The following CFAP43 variants were observed in gnomAD, a reference collection of about 807,000 sequenced individuals.
CFAP43 encodes the protein cilia- and flagella-associated protein 43.
CFAP43 carries 155 observed loss-of-function variants against 218.9 expected under a neutral mutation model. That is an observed-to-expected ratio of 0.71 (90% CI 0.62 to 0.81). The LOEUF is 0.81. Among genes scored for constraint, CFAP43 ranks in the 30% least tolerant of loss-of-function variants. The pLI, the probability that CFAP43 is intolerant of heterozygous loss-of-function variation, is 0.00. For synonymous variants in CFAP43, 645 were observed against 681.3 expected (o/e 0.95, Z 0.83); for missense variants, 1,778 against 1,954.3 (o/e 0.91, Z 1.70).
At chr10:104,184,403 C>G (rs1256264778) in intron 16 of CFAP43, among the ~76,000 whole-genome samples, 1 of 151,298 alleles carries the variant, frequency 6.6e-6, no homozygotes, top group Non-Finnish European at 1.5e-5. Context: ...CAGAATTGTC[C>G]ACATTTCTTA....
At position 104,185,968 on chromosome 10, in the gene CFAP43, G is replaced by T; in HGVS notation, c.2010+6C>A. On this transcript the variant is annotated splice_donor_region_variant and intron_variant, in intron 15 of 37. Transcript: ENST00000357060. ...CACAATATTTTTTTTTAAGAAAGCA[G>T]CTTACCAAAGTATAAACGTCTCGGA... 6.2e-7 allele frequency: 1 copy of T among 1,608,266 alleles called. No homozygotes were observed. Among genetic ancestry groups the T allele is most frequent in the Non-Finnish European group, 8.5e-7 (1 of 1,178,136 alleles).
intron 7 of CFAP43, among the ~76,000 whole-genome samples, chr10:104,205,231 A>AAAAAG (rs2090652194): frequency 1.3e-5 from 2 of 151,110 alleles, no homozygotes; most frequent in African/African-American, 2.4e-5. Context: ...AAAAAAAAAA[A>AAAAAG]AAAAGAAAAG....
intron 25 of CFAP43, 129 bp downstream of exon 25, chr10:104,162,188 G>T: frequency 8.2e-7 from 1 of 1,214,108 alleles, no homozygotes; most frequent in Non-Finnish European, 1.2e-6. Context: ...GAAGGGGAAA[G>T]GAGGCCAACT....
chr10:104,180,608 G>C (rs1375486544), intron 17 of CFAP43, among the ~76,000 whole-genome samples: 1 of 151,956 alleles, frequency 6.6e-6, no homozygotes, highest in East Asian at 1.9e-4. Flanking sequence ...ACCACACCTG[G>C]CTAATCTTTT....
At position 104,230,791 on chromosome 10, in the gene CFAP43, T is replaced by C. The variant is rs1366748627; in HGVS notation, c.118A>G (p.Ile40Val). ...ACATAATTCCCACAAGGGTAGCAAA[T>C]GGTGTTGTCGTTGACAAAATGAACA... Reference protein sequence around the residue: ...QNVHFVNDNTICYPCGNYVIF... With the variant: ...QNVHFVNDNTVCYPCGNYVIF... The change falls in exon 2 of 38, where the codon ATT becomes GTT. Residue 40 changes from isoleucine (I) to valine (V), a missense_variant. Physicochemically the swap from Ile to Val is conservative, Grantham distance 29. Around this residue, in one of 3 missense-constraint regions of CFAP43, gnomAD observed 1,553 missense variants for 1,685.2 expected, o/e 0.92. Coordinates refer to ENST00000357060, the MANE Select transcript of CFAP43 (RefSeq NM_025145.7). 2 of 1,613,788 alleles carry C rather than the reference T, an allele frequency of 1.2e-6. No homozygotes were observed. Among genetic ancestry groups the C allele is most frequent in the East Asian group, 2.2e-5 (1 of 44,886 alleles).
chr10:104,227,893 C>A (rs181305653), intron 2 of CFAP43, among the ~76,000 whole-genome samples: 226 of 115,936 alleles, frequency 1.9e-3, no homozygotes, highest in Middle Eastern at 8.2e-3. Context: ...TGTTGCCAGG[C>A]TGGAGTGCAG....
chr10:104,220,785 C>T (rs757691056), intron 3 of CFAP43, among the ~76,000 whole-genome samples: 8 of 152,186 alleles, frequency 5.3e-5, no homozygotes, highest in Non-Finnish European at 8.8e-5. Flanking sequence ...CATGCTTTTA[C>T]AGGTTAAACT....
intron 23 of CFAP43, 51 bp downstream of exon 23, chr10:104,166,437 A>C: frequency 7.2e-7 from 1 of 1,380,462 alleles, no homozygotes; most frequent in Non-Finnish European, 1.0e-6. Flanking sequence ...CTTGAAAGCC[A>C]CCTAATGGGG....
chr10:104,147,287 A>G (rs969438190), intron 29 of CFAP43, among the ~76,000 whole-genome samples: 9 of 151,672 alleles, frequency 5.9e-5, no homozygotes, highest in Non-Finnish European at 1.0e-4. Flanking sequence ...AGGCTCTTAG[A>G]AAAAAGTTCA....
At chr10:104,153,468 A>T (rs887468274) in intron 27 of CFAP43, among the ~76,000 whole-genome samples, 1 of 152,216 alleles carries the variant, frequency 6.6e-6, no homozygotes, top group African/African-American at 2.4e-5. Flanking sequence ...CCCATTCTCC[A>T]TGTTGTGATT....
chr10:104,146,253 C>A lies in CFAP43; in HGVS notation c.3855+10G>T, dbSNP rs777371520. The A allele has an allele frequency of 6.2e-7, 1 of 1,610,970 alleles. No individual in the cohort carries two copies. The highest frequency in any genetic ancestry group is 8.5e-7 in the Non-Finnish European group (1 of 1,177,394). On this transcript the variant is annotated intron_variant, in intron 30 of 37. Coordinates refer to ENST00000357060, the MANE Select transcript of CFAP43 (RefSeq NM_025145.7). ...CTGCATTGTTGAGTGGGTAAGACAA[C>A]AACTCTCACTTTGTCTTCTGCCAGT...
rs375052799 is a variant in CFAP43 at position 104,133,465 on chromosome 10, C to A, written c.4596+155G>T. The A allele has an allele frequency of 6.8e-5, 52 of 759,904 alleles. No individual in the cohort carries two copies. The African/African-American group carries it at 8.7e-4, about 13-fold the overall frequency. 47.1% of individuals were successfully genotyped at this position (759,904 alleles called of 1,614,324 possible). A position where few individuals can be genotyped will look rare whatever the true frequency, so the allele number is the denominator to read the frequency against. On this transcript the variant is annotated intron_variant, in intron 35 of 37. Transcript: ENST00000357060. Reference sequence around the variant, plus strand: ...AAGAACTGGAGGCTGCAAATGTAAACTGTTGGAAGAAAAATAACTCACAGA... The same window carrying A: ...AAGAACTGGAGGCTGCAAATGTAAAATGTTGGAAGAAAAATAACTCACAGA...
At chr10:104,164,896 T>C (rs1388556221) in intron 23 of CFAP43, among the ~76,000 whole-genome samples, 2 of 152,108 alleles carry the variant, frequency 1.3e-5, no homozygotes, top group Non-Finnish European at 1.5e-5. Flanking sequence ...CTGAAGTGGG[T>C]GATGGGTAGT....
intron 34 of CFAP43, 71 bp from the exon 35 acceptor site, chr10:104,133,855 A>G (rs2087314147): frequency 4.5e-6 from 6 of 1,330,586 alleles, no homozygotes; most frequent in Non-Finnish European, 6.1e-6. Context: ...TTGAGGCTGA[A>G]TGCTATTTTT....
At chr10:104,140,805 G>A in intron 34 of CFAP43, 37 bp downstream of exon 34, 2 of 1,505,320 alleles carry the variant, frequency 1.3e-6, no homozygotes, top group Non-Finnish European at 1.8e-6. Context: ...AACAAAGCAA[G>A]ACCTTGAATT....
intron 8 of CFAP43, 122 bp from the exon 9 acceptor site, chr10:104,198,160 G>C: frequency 1.8e-6 from 1 of 566,364 alleles, no homozygotes; most frequent in South Asian, 2.5e-5. Flanking sequence ...GGAAATCACA[G>C]ATCAACTCAG....
intron 24 of CFAP43, 138 bp downstream of exon 24, chr10:104,163,956 C>A: frequency 1.3e-6 from 1 of 772,010 alleles, no homozygotes; most frequent in Non-Finnish European, 2.1e-6. Context: ...GCTGAGGCTA[C>A]ATCATGTCTT....
In CFAP43 at chr10:104,168,780, A is replaced by G; in HGVS notation, c.2655T>C (p.Cys885=). The change falls in exon 21 of 38, where the codon TGT becomes TGC. Residue 885 remains cysteine, a synonymous_variant. Coordinates refer to ENST00000357060, the MANE Select transcript of CFAP43 (RefSeq NM_025145.7). ...GACCTTTCACAGCCATCGAATTCCA[A>G]CATTCTTCTTTGATAAGTTCAGCCA... ...SYLAELIKEE[C]WNSMAVKGRA... 1.2e-6 allele frequency: 2 copies of G among 1,614,138 alleles called. No homozygotes were observed. Among genetic ancestry groups the G allele is most frequent in the Non-Finnish European group, 1.7e-6 (2 of 1,180,016 alleles).
At chr10:104,146,472 T>C (rs1263489220) in intron 29 of CFAP43, 123 bp from the exon 30 acceptor site, 1 of 691,282 alleles carries the variant, frequency 1.4e-6, no homozygotes, top group Non-Finnish European at 2.5e-6. Flanking sequence ...GTGAAGTATT[T>C]ATTCATGAAG....
Sources: allele counts gnomAD v4.1 joint callset (sites outside exome capture counted in the v4.1 genomes callset), GRCh38; gene constraint gnomAD v4.1.1; regional missense constraint gnomAD v4.1.1; transcripts MANE v1.5; gene names NCBI Gene and HGNC (gene_info 2026-07-23, HGNC 2026-07-21).